Variants in HMGN1 observed in about 807,000 individuals in gnomAD.
HMGN1 encodes non-histone chromosomal protein HMG-14.
In HMGN1, 9 loss-of-function variants were observed where a neutral mutation model predicts 18.4. The observed-to-expected ratio is 0.49, with a 90% CI of 0.29 to 0.85. The LOEUF is 0.85. Ranked by LOEUF, HMGN1 falls within the 40% of genes least tolerant of loss-of-function variation. The probability of loss-of-function intolerance (pLI) is 0.07; values close to 1 mark genes in which losing one functional copy is unlikely to be tolerated. For missense variants in HMGN1, 151 were observed against 119.2 expected (o/e 1.27, Z -1.24); for synonymous variants, 59 against 45.0 (o/e 1.31, Z -1.24).
intron 4 of HMGN1, 121 bp downstream of exon 4, chr21:39,348,171 A>G (rs2146860253): frequency 1.4e-5 from 19 of 1,319,886 alleles, no homozygotes; most frequent in Non-Finnish European, 2.0e-5. Flanking sequence ...TAGAAAAATT[A>G]TTTACCGTAA....
Position 39,345,277 on chromosome 21 carries a change from A to G in HMGN1, c.127-3T>C, listed in dbSNP as rs778702075. ...ACTTTTTTGTCTGAAGATTTATCCT[A>G]TGATAGAATAAGAATATATTTTAAG... is the stretch of plus-strand genomic sequence containing the variant. On this transcript the variant is annotated splice_region_variant and splice_polypyrimidine_tract_variant and intron_variant, in intron 4 of 5. Transcript: ENST00000380749. 23 of 1,610,208 alleles carry G rather than the reference A, an allele frequency of 1.4e-5. No homozygotes were observed. The highest frequency in any genetic ancestry group is 1.9e-5 in the Non-Finnish European group (22 of 1,177,180).
chr21:39,349,005 C>G lies in HMGN1; in HGVS notation c.-88G>C. The G allele has an allele frequency of 8.4e-7, 1 of 1,196,036 alleles. No individual in the cohort carries two copies. The highest frequency in any genetic ancestry group is 1.0e-6 in the Non-Finnish European group (1 of 966,758). 74.1% of individuals were successfully genotyped at this position (1,196,036 alleles called of 1,614,324 possible). A position where few individuals can be genotyped will look rare whatever the true frequency, so the allele number is the denominator to read the frequency against. ...GGCCGCGGCGCGCCGACAGCCTTCG[C>G]GAAACTGGGCTGCCTTGCCGCTGCC... On this transcript the variant is annotated 5_prime_UTR_variant, in exon 1 of 6. Transcript: ENST00000380749.
rs3067491 is a variant in HMGN1 at position 39,344,256 on chromosome 21, CA to C, written c.255+889del. Among the ~76,000 whole-genome samples, 211 of 113,494 alleles carry C rather than the reference CA, an allele frequency of 1.9e-3. 1 individual carries two copies. The highest frequency in any genetic ancestry group is 7.0e-3 in the African/African-American group (196 of 27,916). 74.5% of individuals were successfully genotyped at this position (113,494 alleles called of 152,430 possible). A position where few individuals can be genotyped will look rare whatever the true frequency, so the allele number is the denominator to read the frequency against. On this transcript the variant is annotated intron_variant, in intron 5 of 5. Transcript: ENST00000380749. Reference sequence around the variant, plus strand: ...GGGCAACAAGAGCGAAATTCCGTCTCAAAAAAAAAAAAAAAAAAAGGAATTA... The same window carrying C: ...GGGCAACAAGAGCGAAATTCCGTCTCAAAAAAAAAAAAAAAAAAGGAATTA...
chr21:39,343,281 CTT>C (rs1275113465), intron 5 of HMGN1, 122 bp from the exon 6 acceptor site: 23 of 965,246 alleles, frequency 2.4e-5, no homozygotes, highest in Non-Finnish European at 3.6e-5. Flanking sequence ...CCTACCTACT[CTT>C]GTTAAAAAAC....
rs772168660 is a variant in HMGN1 at position 39,342,935 on chromosome 21, C to G, written c.*177G>C. The G allele has an allele frequency of 8.0e-6, 10 of 1,253,140 alleles. No homozygotes were observed. The African/African-American group carries it at 1.2e-4, about 15-fold the overall frequency. 77.6% of individuals were successfully genotyped at this position (1,253,140 alleles called of 1,614,324 possible). On this transcript the variant is annotated 3_prime_UTR_variant, in exon 6 of 6. Transcript: ENST00000380749. Reference sequence around the variant, plus strand: ...AATAAACAACCAGCAAATGATTTCACCTCTTAAAAAAAAGCATTTACACTT... The same window carrying G: ...AATAAACAACCAGCAAATGATTTCAGCTCTTAAAAAAAAGCATTTACACTT...
At chr21:39,348,706 T>A (rs2037158359) in intron 1 of HMGN1, 129 bp from the exon 2 acceptor site, 17 of 1,197,844 alleles carry the variant, frequency 1.4e-5, no homozygotes, top group Non-Finnish European at 1.4e-5. Context: ...AATAGCCCCC[T>A]CAGCTCCCCC....
chr21:39,347,021 A>C (rs1049980712), intron 4 of HMGN1: 3 of 152,358 alleles, frequency 2.0e-5, no homozygotes, highest in African/African-American at 7.2e-5. Flanking sequence ...AAATGTAAAG[A>C]GGGAAACAGG....
At position 39,345,164 on chromosome 21, in the gene HMGN1, C is replaced by T; in HGVS notation, c.237G>A (p.Gly79=). Residue 79 remains glycine, a synonymous_variant, in exon 5 of 6, where the codon GGG becomes GGA. Coordinates refer to ENST00000380749, the MANE Select transcript of HMGN1 (RefSeq NM_004965.7). ...TTCTGACCTCCTCAGTCTTCGTTTC[C>T]CCGTTTTCCGCAGGTAAGTCTTCTT... ...ETKEDLPAEN[G]ETKTEESPAS... is the part of the protein sequence containing the mutation. 1 of 1,594,834 alleles carries T rather than the reference C, an allele frequency of 6.3e-7. No homozygotes were observed. The highest frequency in any genetic ancestry group is 8.5e-7 in the Non-Finnish European group (1 of 1,169,686).
intron 4 of HMGN1, chr21:39,347,555 T>C (rs887562092): frequency 1.9e-6 from 1 of 514,750 alleles, no homozygotes; most frequent in Non-Finnish European, 3.6e-6. Context: ...CTCACCTAAG[T>C]TTTGGATAAA....
chr21:39,345,713 T>C (rs1036129229), intron 4 of HMGN1: 1 of 617,452 alleles, frequency 1.6e-6, no homozygotes, highest in South Asian at 1.5e-5. Context: ...GACAATGTCA[T>C]GAAGTTGAAT....
chr21:39,348,603 G>A (rs954361168), intron 1 of HMGN1, 26 bp from the exon 2 acceptor site: 8 of 1,569,392 alleles, frequency 5.1e-6, no homozygotes, highest in South Asian at 4.6e-5. Flanking sequence ...CGCACGAATA[G>A]AGGCGGGCCG....
chr21:39,348,397 C>G (rs1167389650), intron 3 of HMGN1, 25 bp downstream of exon 3: 8 of 1,614,170 alleles, frequency 5.0e-6, no homozygotes, highest in Non-Finnish European at 6.8e-6. Context: ...GGAAAACGAA[C>G]GGTTACGGGG....
chr21:39,347,010 A>C (rs796858943), intron 4 of HMGN1: 13 of 152,554 alleles, frequency 8.5e-5, no homozygotes, highest in African/African-American at 3.1e-4. Context: ...AGAAACAAGA[A>C]AAATGTAAAG....
intron 1 of HMGN1, 76 bp from the exon 2 acceptor site, chr21:39,348,653 A>G: frequency 1.4e-6 from 2 of 1,471,092 alleles, no homozygotes; most frequent in Middle Eastern, 2.4e-4. Context: ...CCCGAGAACA[A>G]TGCCCGGCCG....
At position 39,345,133 on chromosome 21, in the gene HMGN1, A is replaced by C; in HGVS notation, c.255+13T>G. On this transcript the variant is annotated intron_variant, in intron 5 of 5. Transcript: ENST00000380749. The stretch of plus-strand genomic sequence containing the variant: ...ATCACACACACACACACACACACAC[A>C]CACACTTCTGACCTCCTCAGTCTTC... 1.3e-6 allele frequency: 2 copies of C among 1,573,656 alleles called. No individual in the cohort carries two copies. Among genetic ancestry groups the C allele is most frequent in the South Asian group, 2.3e-5 (2 of 87,716 alleles).
intron 4 of HMGN1, 52 bp downstream of exon 4, chr21:39,348,240 A>G: frequency 8.2e-6 from 13 of 1,591,744 alleles, no homozygotes; most frequent in Non-Finnish European, 1.1e-5. Flanking sequence ...CGCATTAAGA[A>G]GCAGTGTAGC....
intron 5 of HMGN1, among the ~76,000 whole-genome samples, chr21:39,344,148 C>T (rs1244028823): frequency 6.7e-6 from 1 of 150,372 alleles, no homozygotes; most frequent in Non-Finnish European, 1.5e-5. Flanking sequence ...CCCAGCCGCT[C>T]AGGAGGCTGA....
chr21:39,348,264 G>A (rs947333482), intron 4 of HMGN1, 28 bp downstream of exon 4: 3 of 1,613,438 alleles, frequency 1.9e-6, no homozygotes, highest in Non-Finnish European at 2.5e-6. Flanking sequence ...AGGCCCCGCT[G>A]CATCCCAATG....
intron 4 of HMGN1, 84 bp from the exon 5 acceptor site, chr21:39,345,358 CAAGTA>C: frequency 7.3e-7 from 1 of 1,366,370 alleles, no homozygotes; most frequent in Non-Finnish European, 1.0e-6. Flanking sequence ...TCATGTCAGA[CAAGTA>C]ATGTGCCCAG....
Sources: allele counts gnomAD v4.1 joint callset (sites outside exome capture counted in the v4.1 genomes callset), GRCh38; gene constraint gnomAD v4.1.1; transcripts MANE v1.5; gene names NCBI Gene and HGNC (gene_info 2026-07-23, HGNC 2026-07-21).